PSTPIP2: variants seen among roughly 807,000 people sequenced by gnomAD.
PSTPIP2 encodes proline-serine-threonine phosphatase interacting protein 2.
In PSTPIP2, 33 loss-of-function variants were observed where a neutral mutation model predicts 63.3. The observed-to-expected ratio is 0.52, with a 90% confidence interval of 0.40 to 0.70. The LOEUF (loss-of-function observed/expected upper bound fraction) is 0.70. PSTPIP2 is among the 30% of genes least tolerant of loss of function. The pLI is 0.00. For missense variants in PSTPIP2, 312 were observed against 400.7 expected (o/e 0.78, Z 1.89); for synonymous variants, 125 against 132.7 (o/e 0.94, Z 0.40).
At chr18:46,070,279 C>G (rs557410853) in intron 1 of PSTPIP2, among the ~76,000 whole-genome samples, 1 of 152,218 alleles carries the variant, frequency 6.6e-6, no homozygotes, top group African/African-American at 2.4e-5. Context: ...AGAGTACTCA[C>G]TGACATGTTT....
At chr18:46,045,914 A>C (rs562194884) in intron 1 of PSTPIP2, among the ~76,000 whole-genome samples, 27 of 152,290 alleles carry the variant, frequency 1.8e-4, no homozygotes, top group African/African-American at 5.5e-4. Flanking sequence ...ACTGCACTCC[A>C]ACCTGGATGA....
intron 2 of PSTPIP2, among the ~76,000 whole-genome samples, chr18:46,026,390 A>G (rs1054693025): frequency 2.0e-5 from 3 of 152,166 alleles, no homozygotes; most frequent in Non-Finnish European, 2.9e-5. Context: ...TTATCATCCA[A>G]CTTTTTAACT....
chr18:46,071,958 C>T (rs1453634749), intron 1 of PSTPIP2, among the ~76,000 whole-genome samples, 198 bp downstream of exon 1: 1 of 152,154 alleles, frequency 6.6e-6, no homozygotes, highest in East Asian at 1.9e-4. Flanking sequence ...GGAACAGCAG[C>T]CCGGCGTCCG....
intron 2 of PSTPIP2, chr18:46,028,248 G>A (rs1907660937): frequency 1.5e-5 from 6 of 404,696 alleles, no homozygotes; most frequent in Non-Finnish European, 2.9e-5. Context: ...GGGAACTGAG[G>A]AGCCGAATGA....
chr18:45,985,564 G>A (rs2051458476), intron 14 of PSTPIP2, 114 bp from the exon 15 acceptor site: 1 of 1,002,788 alleles, frequency 1.0e-6, no homozygotes, highest in Non-Finnish European at 1.5e-6. Context: ...GAAAACAAAT[G>A]GTGAGGAATG....
intron 1 of PSTPIP2, among the ~76,000 whole-genome samples, chr18:46,049,787 C>T (rs757571721): frequency 2.0e-5 from 3 of 151,892 alleles, no homozygotes; most frequent in African/African-American, 2.4e-5. Context: ...GGCTGAGGCA[C>T]GAGAATCACT....
chr18:46,016,612 A>T (rs1202232952), intron 3 of PSTPIP2, among the ~76,000 whole-genome samples: 1 of 152,140 alleles, frequency 6.6e-6, no homozygotes, highest in East Asian at 1.9e-4. Context: ...AATCGTATCC[A>T]TTTTTCTATT....
chr18:45,990,760 T>C lies in PSTPIP2; in HGVS notation c.921-4A>G. 6.3e-7 allele frequency: 1 copy of C among 1,599,330 alleles called. No homozygotes were observed. The highest frequency in any genetic ancestry group is 8.6e-7 in the Non-Finnish European group (1 of 1,169,258). ...AGGAATTGGGAGGGGTCCTCTCCTG[T>C]AAGAAATGAAAACCAAAGTATTTTA... On this transcript the variant is annotated splice_polypyrimidine_tract_variant and splice_region_variant and intron_variant, in intron 12 of 14. Transcript: ENST00000409746.
At position 45,999,424 on chromosome 18, in the gene PSTPIP2, C is replaced by T; in HGVS notation, c.516+12G>A. ...GTCTCAGATTTTTCGGGTTGTTAGC[C>T]CTCCTGGGTACCTTTTCTTGTTGCT... On this transcript the variant is annotated intron_variant, in intron 7 of 14. Coordinates refer to ENST00000409746, the MANE Select transcript of PSTPIP2 (RefSeq NM_024430.4). 1.9e-6 allele frequency: 3 copies of T among 1,614,080 alleles called. No homozygotes were observed. Among genetic ancestry groups the T allele is most frequent in the Non-Finnish European group, 2.5e-6 (3 of 1,179,930 alleles).
intron 10 of PSTPIP2, 107 bp from the exon 11 acceptor site, chr18:45,992,309 TC>T: frequency 5.4e-6 from 5 of 934,062 alleles, no homozygotes; most frequent in Non-Finnish European, 1.7e-6. Flanking sequence ...ATGTCTGTAA[TC>T]CCAGCATTTT....
intron 1 of PSTPIP2, among the ~76,000 whole-genome samples, chr18:46,048,499 C>A (rs1282707650): frequency 1.3e-5 from 2 of 152,208 alleles, no homozygotes; most frequent in East Asian, 3.8e-4. Flanking sequence ...AAAGTTAACA[C>A]CACCAAGTAA....
intron 5 of PSTPIP2, among the ~76,000 whole-genome samples, chr18:46,008,181 T>C (rs2051751989): frequency 6.6e-6 from 1 of 151,746 alleles, no homozygotes; most frequent in Non-Finnish European, 1.5e-5. Context: ...TGCCATAGGG[T>C]GGGGAAAGGC....
intron 1 of PSTPIP2, among the ~76,000 whole-genome samples, chr18:46,043,214 C>T (rs963966935): frequency 7.2e-6 from 1 of 138,662 alleles, no homozygotes; most frequent in Admixed American, 7.5e-5. Context: ...AGCGAAACCT[C>T]ACCTCTCCTT....
At chr18:45,994,738 A>G (rs1040083229) in intron 9 of PSTPIP2, among the ~76,000 whole-genome samples, 1 of 152,196 alleles carries the variant, frequency 6.6e-6, no homozygotes, top group African/African-American at 2.4e-5. Context: ...TATTTTATCT[A>G]TATCTCTACC....
chr18:45,993,585 A>G lies in PSTPIP2; in HGVS notation c.741+20T>C. The G allele has an allele frequency of 6.3e-7, 1 of 1,591,576 alleles. No homozygotes were observed. Reference sequence around the variant, plus strand: ...ATCCAACATGCACACGACAATCCTCAGTGGATGCCTCTGACTTACTTCATC... The same window carrying G: ...ATCCAACATGCACACGACAATCCTCGGTGGATGCCTCTGACTTACTTCATC... On this transcript the variant is annotated intron_variant, in intron 10 of 14. Coordinates refer to ENST00000409746, the MANE Select transcript of PSTPIP2 (RefSeq NM_024430.4).
chr18:46,071,444 A>T (rs1441947859), intron 1 of PSTPIP2, among the ~76,000 whole-genome samples: 1 of 152,150 alleles, frequency 6.6e-6, no homozygotes, highest in Non-Finnish European at 1.5e-5. Context: ...TGCTCCCTCC[A>T]GGCTGGGCTG....
intron 2 of PSTPIP2, among the ~76,000 whole-genome samples, chr18:46,038,163 G>T (rs553184469): frequency 6.6e-6 from 1 of 152,284 alleles, no homozygotes; most frequent in African/African-American, 2.4e-5. Flanking sequence ...TGGGCTAAGT[G>T]ATCCCCCGAC....
At chr18:45,991,729 C>G (rs1003588864) in intron 12 of PSTPIP2, among the ~76,000 whole-genome samples, 173 bp downstream of exon 12, 3 of 152,196 alleles carry the variant, frequency 2.0e-5, no homozygotes, top group African/African-American at 7.2e-5. Flanking sequence ...TGAACTATGA[C>G]TATTAAAATC....
intron 4 of PSTPIP2, among the ~76,000 whole-genome samples, chr18:46,013,502 A>C (rs1389578071): frequency 6.6e-6 from 1 of 152,066 alleles, no homozygotes; most frequent in East Asian, 1.9e-4. Context: ...AGAACTGGAT[A>C]GGACCCCTTG....
Sources: allele counts gnomAD v4.1 joint callset (sites outside exome capture counted in the v4.1 genomes callset), GRCh38; gene constraint gnomAD v4.1.1; transcripts MANE v1.5; gene names NCBI Gene and HGNC (gene_info 2026-07-23, HGNC 2026-07-21).